Variants in ABCC1 observed in about 807,000 individuals in gnomAD.
ABCC1 encodes multidrug resistance-associated protein 1.
A neutral mutation model predicts 172.9 loss-of-function variants in ABCC1; 83 were observed. That is an observed-to-expected ratio of 0.48 (90% CI 0.40 to 0.58). The LOEUF (loss-of-function observed/expected upper bound fraction) is 0.58. Ranked by LOEUF, ABCC1 falls within the 20% of genes least tolerant of loss-of-function variation. The probability of loss-of-function intolerance (pLI) is 0.00; values close to 1 mark genes in which losing one functional copy is unlikely to be tolerated. For synonymous variants in ABCC1, 937 were observed against 825.2 expected, an observed-to-expected ratio of 1.14 and a Z score of -2.32; for missense variants, 1,817 against 2,002.7, an observed-to-expected ratio of 0.91 and a Z score of 1.77.
chr16:15,951,496 G>A (rs192537349), intron 1 of ABCC1, among the ~76,000 whole-genome samples: 1 of 152,132 alleles, frequency 6.6e-6, no homozygotes, highest in African/African-American at 2.4e-5. Flanking sequence ...AATTGTAGCT[G>A]ATCTCTGCCT....
chr16:16,140,383 C>G (rs745423357), intron 30 of ABCC1, among the ~76,000 whole-genome samples: 4 of 152,186 alleles, frequency 2.6e-5, no homozygotes, highest in African/African-American at 4.8e-5. Context: ...GGGTCTCACC[C>G]TGTCGCCCAG....
rs568684704 is a variant in ABCC1 at position 16,034,129 on chromosome 16, G to A, written c.677+959G>A. The stretch of plus-strand genomic sequence containing the variant: ...TGCAGTCCCAATCTACTGGGCTTAG[G>A]TGATGCTCCTGCCTCAGCCTCCTGA... On this transcript the variant is annotated intron_variant, in intron 6 of 30. Transcript: ENST00000399410. Among the ~76,000 whole-genome samples, 599 of 146,918 alleles carry A rather than the reference G, an allele frequency of 4.1e-3. 4 individuals carry two copies. Among genetic ancestry groups the A allele is most frequent in the Non-Finnish European group, 6.0e-3 (406 of 67,592 alleles).
At chr16:15,973,503 G>A (rs2046415425) in intron 1 of ABCC1, among the ~76,000 whole-genome samples, 1 of 152,062 alleles carries the variant, frequency 6.6e-6, no homozygotes, top group Non-Finnish European at 1.5e-5. Flanking sequence ...TGGCATGGAC[G>A]CAATCCACCT....
chr16:15,999,650 GA>G (rs1229549036), intron 1 of ABCC1, among the ~76,000 whole-genome samples: 1 of 149,642 alleles, frequency 6.7e-6, no homozygotes, highest in African/African-American at 2.4e-5. Context: ...AAAAATAAAA[GA>G]AATGGGGTCT....
intron 7 of ABCC1, among the ~76,000 whole-genome samples, chr16:16,036,815 G>GC (rs1257483274): frequency 3.9e-5 from 6 of 152,252 alleles, no homozygotes; most frequent in African/African-American, 1.4e-4. Flanking sequence ...GCAGAGAAAA[G>GC]AAGAAAGAAG....
At chr16:16,007,674 G>A (rs1329084011) in intron 1 of ABCC1, 142 bp from the exon 2 acceptor site, 11 of 671,322 alleles carry the variant, frequency 1.6e-5, no homozygotes, top group Non-Finnish European at 2.2e-5. Context: ...TTTAGTTTGC[G>A]TGTTCATCCT....
intron 8 of ABCC1, among the ~76,000 whole-genome samples, chr16:16,045,395 C>CAAA (rs34870561): frequency 0.071 from 4,605 of 64,456 alleles, 243 homozygotes; most frequent in African/African-American, 0.12. Flanking sequence ...GACTTTGTCT[C>CAAA]AAAAAAAAAA....
intron 29 of ABCC1, among the ~76,000 whole-genome samples, chr16:16,138,105 C>T (rs1222175637): frequency 6.6e-6 from 1 of 152,118 alleles, no homozygotes; most frequent in Non-Finnish European, 1.5e-5. Context: ...TATCCTCCCA[C>T]CTCAGCCTCC....
rs1021647932 is a variant in ABCC1, at chr16:16,097,042, T to C, written c.2645-5585T>C. ...ACTTATTGCTGCCTGGAGTAAATTA[T>C]GGATCTACTTGTTCATTTATTGTTG... On this transcript the variant is annotated intron_variant, in intron 19 of 30. Coordinates refer to ENST00000399410, the MANE Select transcript of ABCC1 (RefSeq NM_004996.4). Among the ~76,000 whole-genome samples the C allele has an allele frequency of 3.3e-5, 5 of 152,346 alleles. No individual in the cohort carries two copies. In the East Asian group the frequency reaches 9.6e-4, roughly 29 times the overall value.
chr16:16,080,971 T>G (rs2050784507), intron 16 of ABCC1, among the ~76,000 whole-genome samples: 1 of 152,150 alleles, frequency 6.6e-6, no homozygotes, highest in South Asian at 2.1e-4. Context: ...TTCAACCGAT[T>G]CTTCTGTCTC....
At chr16:16,052,106 G>A (rs1339290827) in intron 10 of ABCC1, among the ~76,000 whole-genome samples, 1 of 152,072 alleles carries the variant, frequency 6.6e-6, no homozygotes, top group Non-Finnish European at 1.5e-5. Flanking sequence ...TGGTGTGAGT[G>A]TAGTCACAGC....
chr16:16,063,176 A>G (rs895709070), intron 12 of ABCC1, among the ~76,000 whole-genome samples: 6 of 152,148 alleles, frequency 3.9e-5, no homozygotes, highest in Non-Finnish European at 8.8e-5. Context: ...GCACAATCAC[A>G]GCTCACTGCA....
intron 1 of ABCC1, among the ~76,000 whole-genome samples, chr16:15,961,194 C>G (rs574105340): frequency 6.6e-6 from 1 of 152,044 alleles, no homozygotes; most frequent in Non-Finnish European, 1.5e-5. Context: ...TGAGTCTCTT[C>G]TCTTTCTCAG....
At chr16:15,961,572 C>T (rs556279171) in intron 1 of ABCC1, among the ~76,000 whole-genome samples, 12 of 152,130 alleles carry the variant, frequency 7.9e-5, no homozygotes, top group African/African-American at 2.9e-4. Flanking sequence ...GGGTGTTTTT[C>T]GAGAAAAGTT....
intron 24 of ABCC1, among the ~76,000 whole-genome samples, chr16:16,124,405 G>A (rs1054792226): frequency 6.7e-6 from 1 of 149,306 alleles, no homozygotes; most frequent in African/African-American, 2.5e-5. Context: ...GTGTGTGTGT[G>A]TGTGTATGTG....
intron 21 of ABCC1, among the ~76,000 whole-genome samples, chr16:16,107,791 G>GT (rs777339587): frequency 6.6e-6 from 1 of 151,162 alleles, no homozygotes; most frequent in Non-Finnish European, 1.5e-5. Flanking sequence ...GTGATCCAAA[G>GT]TTTATTTTTA....
intron 20 of ABCC1, 62 bp from the exon 21 acceptor site, chr16:16,106,676 G>A: frequency 1.2e-6 from 2 of 1,607,156 alleles, no homozygotes; most frequent in East Asian, 2.2e-5. Context: ...TCCCAGCAGG[G>A]AGCCCTCCGA....
chr16:16,005,849 G>A lies in ABCC1; in HGVS notation c.49-1967G>A, dbSNP rs542788886. 2.5e-4 allele frequency among the ~76,000 whole-genome samples: 38 copies of A among 152,196 alleles called. No homozygotes were observed. The East Asian group carries it at 7.4e-3, about 30-fold the overall frequency. ...GGTGACCGCAGTCCCAGCTATTTAG[G>A]AGGTTGAGGCAGGAGAATCACTTGA... On this transcript the variant is annotated intron_variant, in intron 1 of 30. Coordinates refer to ENST00000399410, the MANE Select transcript of ABCC1 (RefSeq NM_004996.4).
rs1596562856 is a variant in ABCC1 at position 16,138,375 on chromosome 16, G to A, written c.4304G>A (p.Arg1435His). Reference sequence around the variant, plus strand: ...TTCTTCCGGTCAAGTGTCGGGCAGCGCCAGCTTGTGTGCCTAGCCCGGGCC... The same window carrying A: ...TTCTTCCGGTCAAGTGTCGGGCAGCACCAGCTTGTGTGCCTAGCCCGGGCC... Reference protein sequence around the residue: ...EGGENLSVGQRQLVCLARALL... With the variant: ...EGGENLSVGQHQLVCLARALL... The change falls in exon 30 of 31, where the codon CGC becomes CAC. Residue 1435 changes from arginine (R) to histidine (H), a missense_variant. Arg to His is a conservative substitution (Grantham distance 29). Coordinates refer to ENST00000399410, the MANE Select transcript of ABCC1 (RefSeq NM_004996.4). 2.5e-6 allele frequency: 4 copies of A among 1,587,958 alleles called. No homozygotes were observed. The highest frequency in any genetic ancestry group is 1.3e-5 in the African/African-American group (1 of 74,512).
Sources: allele counts gnomAD v4.1 joint callset (sites outside exome capture counted in the v4.1 genomes callset), GRCh38; gene constraint gnomAD v4.1.1; transcripts MANE v1.5; gene names NCBI Gene and HGNC (gene_info 2026-07-23, HGNC 2026-07-21).